EPHA7: variants seen among roughly 807,000 people sequenced by gnomAD.
EPHA7 encodes EPH receptor A7.
Under a neutral mutation model 112.6 loss-of-function variants are expected in EPHA7, and 25 were observed. The observed-to-expected ratio is 0.22, with a 90% CI of 0.16 to 0.31. The LOEUF (loss-of-function observed/expected upper bound fraction) is 0.31, where lower values mean the gene tolerates loss of function less well. EPHA7 is among the 10% of genes least tolerant of loss of function. The pLI, the probability that EPHA7 is intolerant of heterozygous loss-of-function variation, is 1.00. For synonymous variants in EPHA7, 437 were observed against 406.5 expected, an observed-to-expected ratio of 1.07 and a Z score of -0.90; for missense variants, 962 against 1,212.6, an observed-to-expected ratio of 0.79 and a Z score of 3.07.
chr6:93,364,263 C>T (rs779813450), intron 3 of EPHA7, among the ~76,000 whole-genome samples: 2 of 152,106 alleles, frequency 1.3e-5, no homozygotes, highest in African/African-American at 2.4e-5. Flanking sequence ...GTGGCTCATG[C>T]CTGTAATCCC....
intron 5 of EPHA7, among the ~76,000 whole-genome samples, chr6:93,322,146 C>G (rs950872269): frequency 1.3e-5 from 2 of 151,560 alleles, no homozygotes; most frequent in Admixed American, 6.6e-5. Flanking sequence ...TTTATAAACA[C>G]GCAAACATGT....
intron 6 of EPHA7, among the ~76,000 whole-genome samples, chr6:93,271,558 G>C (rs1582423463): frequency 6.6e-6 from 1 of 151,766 alleles, no homozygotes; most frequent in Non-Finnish European, 1.5e-5. Context: ...TTTAAATCAC[G>C]ATCTGTGAAC....
intron 1 of EPHA7, among the ~76,000 whole-genome samples, chr6:93,418,486 T>C (rs888997211): frequency 6.6e-6 from 1 of 152,166 alleles, no homozygotes; most frequent in East Asian, 1.9e-4. Context: ...TCCTTACAAA[T>C]TGCACAGCTC....
At chr6:93,303,968 C>A (rs922820078) in intron 5 of EPHA7, among the ~76,000 whole-genome samples, 1 of 152,028 alleles carries the variant, frequency 6.6e-6, no homozygotes, top group Non-Finnish European at 1.5e-5. Flanking sequence ...TGCTGCAAGA[C>A]ATAAATGTCT....
At chr6:93,401,479 T>C (rs887046192) in intron 3 of EPHA7, among the ~76,000 whole-genome samples, 4 of 152,104 alleles carry the variant, frequency 2.6e-5, no homozygotes, top group Admixed American at 6.6e-5. Flanking sequence ...TTGTAACATA[T>C]ACCTACAGAT....
chr6:93,354,851 A>C (rs1037254717), intron 5 of EPHA7, among the ~76,000 whole-genome samples: 4 of 152,230 alleles, frequency 2.6e-5, no homozygotes, highest in African/African-American at 9.6e-5. Flanking sequence ...CAATTTGACA[A>C]ACACTATTTC....
rs1179851493 is a variant in EPHA7 at position 93,241,604 on chromosome 6, C to T, written c.*1822G>A. The T allele has an allele frequency of 4.6e-6, 1 of 218,534 alleles. No homozygotes were observed. The highest frequency in any genetic ancestry group is 9.2e-6 in the Non-Finnish European group (1 of 108,840). 13.5% of individuals were successfully genotyped at this position (218,534 alleles called of 1,614,324 possible). A position where few individuals can be genotyped will look rare whatever the true frequency, so the allele number is the denominator to read the frequency against. ...AAAAATAAATTAAAATATCAAATAA[C>T]ACTGTACAGTGATTTAAAACCAAAA... On this transcript the variant is annotated 3_prime_UTR_variant, in exon 17 of 17. Coordinates refer to ENST00000369303, the MANE Select transcript of EPHA7 (RefSeq NM_004440.4).
intron 3 of EPHA7, among the ~76,000 whole-genome samples, chr6:93,382,077 T>C (rs1280345761): frequency 2.0e-5 from 3 of 152,316 alleles, no homozygotes; most frequent in South Asian, 2.1e-4. Flanking sequence ...TAGAAAACTT[T>C]GGATAGAAAA....
At chr6:93,293,150 T>C (rs891717556) in intron 5 of EPHA7, among the ~76,000 whole-genome samples, 2 of 151,390 alleles carry the variant, frequency 1.3e-5, no homozygotes, top group African/African-American at 4.9e-5. Context: ...AGGTAATACA[T>C]AGAAAAGACT....
intron 3 of EPHA7, among the ~76,000 whole-genome samples, chr6:93,399,963 A>G (rs1778360375): frequency 6.6e-6 from 1 of 152,088 alleles, no homozygotes; most frequent in Non-Finnish European, 1.5e-5. Context: ...TTGTAATATT[A>G]ATTGTCTTGA....
chr6:93,418,522 C>G (rs951501586), intron 1 of EPHA7, among the ~76,000 whole-genome samples: 12 of 152,338 alleles, frequency 7.9e-5, no homozygotes, highest in Admixed American at 6.5e-4. Context: ...CTCCACGGCC[C>G]GACCAAGCCC....
chr6:93,418,686 C>A (rs1208137561), intron 1 of EPHA7, among the ~76,000 whole-genome samples: 1 of 152,192 alleles, frequency 6.6e-6, no homozygotes, highest in Admixed American at 6.5e-5. Flanking sequence ...ACCGCAGGAC[C>A]GCGCCGCCGC....
At chr6:93,325,872 T>C (rs1020649705) in intron 5 of EPHA7, among the ~76,000 whole-genome samples, 1 of 151,356 alleles carries the variant, frequency 6.6e-6, no homozygotes, top group African/African-American at 2.4e-5. Flanking sequence ...AGAAAAATGG[T>C]TATCATCAAA....
intron 3 of EPHA7, among the ~76,000 whole-genome samples, chr6:93,377,421 C>A (rs1021119197): frequency 4.0e-5 from 6 of 150,642 alleles, no homozygotes; most frequent in East Asian, 2.0e-4. Context: ...ACAAAAAAAA[C>A]CATAATTTCA....
chr6:93,318,951 T>G (rs1773937538), intron 5 of EPHA7, among the ~76,000 whole-genome samples: 1 of 152,112 alleles, frequency 6.6e-6, no homozygotes, highest in Non-Finnish European at 1.5e-5. Flanking sequence ...ATTTCAATTC[T>G]TAAATAAAAA....
intron 1 of EPHA7, among the ~76,000 whole-genome samples, chr6:93,417,270 G>A (rs1463152481): frequency 3.3e-5 from 5 of 152,120 alleles, no homozygotes; most frequent in African/African-American, 1.2e-4. Flanking sequence ...CCTGCTTCAA[G>A]CGGTTCCCAG....
intron 3 of EPHA7, among the ~76,000 whole-genome samples, chr6:93,360,151 A>T (rs528197929): frequency 7.5e-4 from 114 of 152,274 alleles, no homozygotes; most frequent in African/African-American, 2.6e-3. Flanking sequence ...ATTGATTACT[A>T]AACATAACAA....
chr6:93,386,265 AAGTT>A (rs1667994902), intron 3 of EPHA7, among the ~76,000 whole-genome samples: 1 of 152,170 alleles, frequency 6.6e-6, no homozygotes, highest in South Asian at 2.1e-4. Context: ...AATCAAATGC[AAGTT>A]AGTTACTTTT....
At chr6:93,294,416 G>A (rs894711705) in intron 5 of EPHA7, among the ~76,000 whole-genome samples, 8 of 152,098 alleles carry the variant, frequency 5.3e-5, no homozygotes, top group Non-Finnish European at 1.5e-5. Context: ...GTTTCAAAAA[G>A]CTGAATTTAT....
Sources: gnomAD v4.1 joint callset for allele counts (sites outside exome capture counted in the v4.1 genomes callset) on GRCh38, gnomAD v4.1.1 for gene constraint, MANE v1.5 for transcripts, NCBI Gene and HGNC (gene_info 2026-07-23, HGNC 2026-07-21) for gene names.